The following SLC26A9 variants were observed in gnomAD, a reference collection of about 807,000 sequenced individuals.
SLC26A9 encodes the protein anion transporter/exchanger protein 9.
A neutral mutation model predicts 87.1 loss-of-function variants in SLC26A9; 46 were observed. The ratio of observed to expected loss-of-function variants is 0.53; its 90% CI spans 0.42 to 0.67. SLC26A9 has a LOEUF of 0.67. SLC26A9 is among the 30% of genes least tolerant of loss of function. SLC26A9 has a pLI of 0.00. For missense variants in SLC26A9, 927 were observed against 1,018.3 expected, an observed-to-expected ratio of 0.91 and a Z score of 1.22; for synonymous variants, 437 against 409.1, an observed-to-expected ratio of 1.07 and a Z score of -0.82.
intron 5 of SLC26A9, among the ~76,000 whole-genome samples, chr1:205,931,177 G>A (rs1659287728): frequency 6.6e-6 from 1 of 152,074 alleles, no homozygotes; most frequent in Non-Finnish European, 1.5e-5. Context: ...AATTTATGTT[G>A]TGCAACTGCT....
Position 205,927,904 on chromosome 1 carries a change from G to A in SLC26A9, c.1099C>T (p.Gln367Ter). The A allele has an allele frequency of 6.2e-7, 1 of 1,613,944 alleles. No homozygotes were observed. Among genetic ancestry groups the A allele is most frequent in the Non-Finnish European group, 8.5e-7 (1 of 1,179,880 alleles). ...CTGCCGGGGGTGGCCAGAGCTACCT[G>A]GTTCGAATCCACGTCGTAGCCGTGC... ...NKHGYDVDSN[Q>*]EMIALGCSNF... Residue 367 changes from glutamine (Q) to a stop codon, truncating the protein, a stop_gained and splice_region_variant, in exon 9 of 21, where the codon CAG (glutamine) becomes TAG (stop). Coordinates refer to ENST00000367135, the MANE Select transcript of SLC26A9 (RefSeq NM_052934.4). LOFTEE classifies it high-confidence loss of function.
intron 16 of SLC26A9, 83 bp downstream of exon 16, chr1:205,922,999 C>T: frequency 1.5e-6 from 2 of 1,366,688 alleles, no homozygotes; most frequent in Non-Finnish European, 2.1e-6. Flanking sequence ...GAAGCGGGGC[C>T]CCCAGGGTAC....
chr1:205,937,923 G>T (rs1163476320), intron 1 of SLC26A9, among the ~76,000 whole-genome samples: 4 of 152,098 alleles, frequency 2.6e-5, no homozygotes, highest in African/African-American at 4.8e-5. Flanking sequence ...TTCAAGGGGG[G>T]CTGAGTCAGA....
rs531264122 is a variant in SLC26A9, at chr1:205,917,206, G to A, written c.2328+77C>T. 2,433 of 1,443,310 alleles carry A rather than the reference G, an allele frequency of 1.7e-3. 10 individuals are homozygous for A. The highest frequency in any genetic ancestry group is 2.1e-3 in the Non-Finnish European group (2,172 of 1,029,020). The allele number at this position is 1,443,310 out of a possible 1,614,324, so 89.4% of individuals were successfully genotyped here. On this transcript the variant is annotated intron_variant, in intron 20 of 20. Transcript: ENST00000367135. Reference sequence around the variant, plus strand: ...CTGGAGGTGAGACAGCTGAGTGAACGCCTTGTATTTGACAGCGACCCCATC... The same window carrying A: ...CTGGAGGTGAGACAGCTGAGTGAACACCTTGTATTTGACAGCGACCCCATC...
intron 5 of SLC26A9, among the ~76,000 whole-genome samples, chr1:205,931,484 T>TTTTTTTTTTTTG (rs71152459): frequency 8.2e-6 from 1 of 121,478 alleles, no homozygotes; most frequent in Non-Finnish European, 1.8e-5. Flanking sequence ...TTTTTTTTTT[T>TTTTTTTTTTTTG]GAGACGGAGT....
In SLC26A9 at chr1:205,914,641, T is replaced by C; in HGVS notation, c.*716A>G. 2.2e-6 allele frequency: 1 copy of C among 454,010 alleles called. No homozygotes were observed. The allele number at this position is 454,010 out of a possible 1,614,324, so 28.1% of individuals were successfully genotyped here. On this transcript the variant is annotated 3_prime_UTR_variant, in exon 21 of 21. Transcript: ENST00000367135. ...GTTTCAGGAGGCTGAGGCAGAACCT[T>C]AGTGGGCTGTCCCCGGGGAGGTAGC...
rs1571729378 is a variant in SLC26A9, at chr1:205,918,727, G to C, written c.2256+113C>G. On this transcript the variant is annotated intron_variant, in intron 19 of 20. Transcript: ENST00000367135. ...GAAACAGATTCAGAAAACTGAAATG[G>C]CAGACTTGATATTGGAACTTAAACC... is the stretch of plus-strand genomic sequence containing the variant. 7 of 1,344,622 alleles carry C rather than the reference G, an allele frequency of 5.2e-6. 1 individual carries two copies. In the East Asian group the frequency reaches 1.6e-4, roughly 31 times the overall value. 83.3% of individuals were successfully genotyped at this position (1,344,622 alleles called of 1,614,324 possible).
chr1:205,942,125 T>A (rs969904611), intron 1 of SLC26A9, among the ~76,000 whole-genome samples: 2 of 152,202 alleles, frequency 1.3e-5, no homozygotes, highest in African/African-American at 4.8e-5. Flanking sequence ...CACTCTTGAA[T>A]ACTGGGTATA....
chr1:205,919,085 C>T, intron 18 of SLC26A9, 100 bp from the exon 19 acceptor site: 2 of 1,466,830 alleles, frequency 1.4e-6, no homozygotes, highest in South Asian at 2.4e-5. Flanking sequence ...TGGGAGAGGC[C>T]TGAGGTCCCA....
Position 205,920,088 on chromosome 1 carries a change from A to G in SLC26A9, c.2110+88T>C. The stretch of plus-strand genomic sequence containing the variant: ...GGATAGCTGGGTGCTCTCGTTTCCA[A>G]CCTCCTCACTATTCAGACCCCACCA... On this transcript the variant is annotated intron_variant, in intron 18 of 20. Transcript: ENST00000367135. The G allele has an allele frequency of 2.0e-6, 3 of 1,498,850 alleles. No individual in the cohort carries two copies. In the South Asian group the frequency reaches 3.4e-5, roughly 17 times the overall value. 92.8% of individuals were successfully genotyped at this position (1,498,850 alleles called of 1,614,324 possible).
intron 1 of SLC26A9, 117 bp from the exon 2 acceptor site, chr1:205,935,955 A>G (rs1416662629): frequency 1.6e-6 from 2 of 1,261,804 alleles, no homozygotes; most frequent in African/African-American, 3.0e-5. Flanking sequence ...CCCCGCCCCG[A>G]TAAAGCAAGG....
At chr1:205,929,425 C>T in intron 6 of SLC26A9, 69 bp from the exon 7 acceptor site, 1 of 1,571,528 alleles carries the variant, frequency 6.4e-7, no homozygotes, top group Non-Finnish European at 8.6e-7. Context: ...CTTTGGGTGT[C>T]TGACCCAGGG....
rs1571741126 is a variant in SLC26A9 at position 205,926,398 on chromosome 1, A to G, written c.1389+137T>C. 5.5e-6 allele frequency: 4 copies of G among 723,868 alleles called. No individual in the cohort carries two copies. The East Asian group carries it at 1.0e-4, about 19-fold the overall frequency. The allele number at this position is 723,868 out of a possible 1,614,324, so 44.8% of individuals were successfully genotyped here. On this transcript the variant is annotated intron_variant, in intron 12 of 20. Coordinates refer to ENST00000367135, the MANE Select transcript of SLC26A9 (RefSeq NM_052934.4). The stretch of plus-strand genomic sequence containing the variant: ...TAGGATGTTTCACTTCGAAACTCGG[A>G]CTTTTAACCACTCATCTCATGCTAA...
intron 19 of SLC26A9, 70 bp from the exon 20 acceptor site, chr1:205,917,424 G>A: frequency 6.6e-7 from 1 of 1,507,014 alleles, no homozygotes; most frequent in Non-Finnish European, 9.2e-7. Context: ...ATGGTGGCAG[G>A]AAAAGGGACA....
intron 16 of SLC26A9, 24 bp downstream of exon 16, chr1:205,923,058 G>T: frequency 1.2e-6 from 2 of 1,607,892 alleles, no homozygotes; most frequent in Non-Finnish European, 1.7e-6. Flanking sequence ...GCAGGGCACG[G>T]GGCTGCTTCT....
intron 12 of SLC26A9, among the ~76,000 whole-genome samples, chr1:205,926,162 AT>A (rs1210778742): frequency 6.6e-6 from 1 of 152,186 alleles, no homozygotes; most frequent in Non-Finnish European, 1.5e-5. Flanking sequence ...GCTGTATGTC[AT>A]AAAGTAGTCA....
chr1:205,926,016 A>C (rs914698257), intron 12 of SLC26A9, among the ~76,000 whole-genome samples: 2 of 152,220 alleles, frequency 1.3e-5, no homozygotes, highest in East Asian at 1.9e-4. Flanking sequence ...CCATGACTGC[A>C]TGAGTCTCAC....
chr1:205,935,645 G>T (rs369587927), intron 2 of SLC26A9, 51 bp downstream of exon 2: 51 of 1,609,932 alleles, frequency 3.2e-5, no homozygotes, highest in Non-Finnish European at 4.2e-5. Context: ...GTGCAGAAAG[G>T]ATTTTGGTAG....
intron 1 of SLC26A9, among the ~76,000 whole-genome samples, chr1:205,936,210 C>T (rs948458085): frequency 6.6e-6 from 1 of 152,166 alleles, no homozygotes; most frequent in African/African-American, 2.4e-5. Context: ...CCCCTGGTGT[C>T]CCCACAAGCC....
Sources: gnomAD v4.1 joint callset for allele counts (sites outside exome capture counted in the v4.1 genomes callset) on GRCh38, gnomAD v4.1.1 for gene constraint, MANE v1.5 for transcripts, NCBI Gene and HGNC (gene_info 2026-07-23, HGNC 2026-07-21) for gene names.